Variants in ACTR3 observed in about 807,000 individuals in gnomAD.
ACTR3 encodes the protein actin-related protein 3.
In ACTR3, 12 loss-of-function variants were observed where a neutral mutation model predicts 56.8. That is an observed-to-expected ratio of 0.21 (90% CI 0.14 to 0.34). The LOEUF is 0.34. ACTR3 is among the 10% of genes least tolerant of loss of function. The pLI is 1.00. For missense variants in ACTR3, 282 were observed against 512.5 expected (o/e 0.55, Z 4.34); for synonymous variants, 162 against 167.4 (o/e 0.97, Z 0.25).
chr2:113,931,471 T>A (rs1402849231), intron 5 of ACTR3, 75 bp downstream of exon 5: 1 of 382,374 alleles, frequency 2.6e-6, no homozygotes, highest in Admixed American at 5.6e-5. Context: ...AAATACGTAC[T>A]TTTTTTTTTT....
chr2:113,919,360 C>G (rs1679465113), intron 3 of ACTR3, among the ~76,000 whole-genome samples: 1 of 151,846 alleles, frequency 6.6e-6, no homozygotes, highest in Non-Finnish European at 1.5e-5. Context: ...GTTATTTTCC[C>G]TGTGTGTTAT....
chr2:113,926,335 G>A (rs1679619298), intron 3 of ACTR3, among the ~76,000 whole-genome samples: 1 of 152,130 alleles, frequency 6.6e-6, no homozygotes, highest in South Asian at 2.1e-4. Context: ...GTGTCCAACT[G>A]ATGTTGAGTA....
chr2:113,899,967 T>G (rs2104582263), intron 1 of ACTR3, among the ~76,000 whole-genome samples: 1 of 152,272 alleles, frequency 6.6e-6, no homozygotes, highest in East Asian at 1.9e-4. Flanking sequence ...GGCAGAATGG[T>G]TTGCGATTTA....
At chr2:113,936,173 T>C (rs1249899325) in intron 6 of ACTR3, among the ~76,000 whole-genome samples, 1 of 151,920 alleles carries the variant, frequency 6.6e-6, no homozygotes, top group Non-Finnish European at 1.5e-5. Flanking sequence ...ATGACTGTAG[T>C]CCCAGCTACT....
chr2:113,933,985 A>G (rs1040598421), intron 5 of ACTR3: 10 of 322,462 alleles, frequency 3.1e-5, no homozygotes, highest in African/African-American at 6.8e-5. Context: ...GTTTAATGCA[A>G]TCTTCCACAT....
intron 3 of ACTR3, 104 bp downstream of exon 3, chr2:113,917,112 A>C (rs1281337375): frequency 3.0e-5 from 28 of 942,902 alleles, no homozygotes; most frequent in Non-Finnish European, 3.7e-5. Flanking sequence ...AATATCCTCA[A>C]ACCTCTTCTC....
intron 6 of ACTR3, among the ~76,000 whole-genome samples, chr2:113,938,312 T>A (rs1679864331): frequency 6.6e-6 from 1 of 151,982 alleles, no homozygotes; most frequent in Non-Finnish European, 1.5e-5. Flanking sequence ...TTGTTTGGTT[T>A]TTCTCCTCGT....
intron 11 of ACTR3, among the ~76,000 whole-genome samples, 183 bp from the exon 12 acceptor site, chr2:113,957,177 A>T (rs915301205): frequency 6.6e-6 from 1 of 152,174 alleles, no homozygotes; most frequent in Admixed American, 6.5e-5. Flanking sequence ...TCCGATAAAG[A>T]TTTATAGCTG....
In ACTR3 at chr2:113,960,445, A is replaced by G. The variant is rs1574390850; in HGVS notation, c.*2990A>G. The G allele has an allele frequency of 6.6e-6, 1 of 152,178 alleles. No individual in the cohort carries two copies. Among genetic ancestry groups the G allele is most frequent in the African/African-American group, 2.4e-5 (1 of 41,568 alleles). The allele number at this position is 152,178 out of a possible 1,614,324, so 9.4% of individuals were successfully genotyped here. A position where few individuals can be genotyped will look rare whatever the true frequency, so the allele number is the denominator to read the frequency against. On this transcript the variant is annotated 3_prime_UTR_variant, in exon 12 of 12. Coordinates refer to ENST00000263238, the MANE Select transcript of ACTR3 (RefSeq NM_005721.5). ...TAGAAATAATATGAAATACAGGGAT[A>G]ATAGGCCAATTATGATCTTTATTTT...
At chr2:113,898,584 T>C (rs1304817321) in intron 1 of ACTR3, among the ~76,000 whole-genome samples, 1 of 152,226 alleles carries the variant, frequency 6.6e-6, no homozygotes, top group Non-Finnish European at 1.5e-5. Context: ...TGCAGAGGCA[T>C]ACTGTATGGC....
intron 1 of ACTR3, among the ~76,000 whole-genome samples, chr2:113,899,747 A>G (rs1168270620): frequency 1.3e-5 from 2 of 152,186 alleles, no homozygotes; most frequent in African/African-American, 4.8e-5. Context: ...TGCATTCTCT[A>G]TTCAAGTGAT....
intron 3 of ACTR3, among the ~76,000 whole-genome samples, chr2:113,923,463 G>C: frequency 6.6e-6 from 1 of 151,960 alleles, no homozygotes; most frequent in East Asian, 1.9e-4. Context: ...AGCCTCCCAA[G>C]TAGTTGGGAC....
At chr2:113,947,996 G>A (rs764695241) in intron 8 of ACTR3, among the ~76,000 whole-genome samples, 12 of 151,908 alleles carry the variant, frequency 7.9e-5, no homozygotes, top group East Asian at 1.9e-4. Context: ...CTTGGTCTGC[G>A]TATCCTAACA....
intron 6 of ACTR3, among the ~76,000 whole-genome samples, chr2:113,937,075 C>T (rs1029579086): frequency 6.6e-6 from 1 of 152,106 alleles, no homozygotes; most frequent in Non-Finnish European, 1.5e-5. Context: ...AGGAAAAACA[C>T]AATTTACCCA....
At chr2:113,914,248 T>C (rs182992270) in intron 2 of ACTR3, among the ~76,000 whole-genome samples, 15 of 152,300 alleles carry the variant, frequency 9.8e-5, no homozygotes, top group African/African-American at 2.4e-4. Context: ...TGAGCACTCA[T>C]TGGACACAAG....
intron 3 of ACTR3, among the ~76,000 whole-genome samples, chr2:113,926,283 T>C (rs1354133238): frequency 6.6e-6 from 1 of 152,210 alleles, no homozygotes; most frequent in Non-Finnish European, 1.5e-5. Flanking sequence ...AATAGTTTGA[T>C]TTATTGTTGA....
intron 2 of ACTR3, among the ~76,000 whole-genome samples, chr2:113,915,640 T>C (rs915306555): frequency 2.6e-5 from 4 of 152,344 alleles, no homozygotes; most frequent in Middle Eastern, 3.4e-3. Context: ...AAATTGGTTT[T>C]GGTTATATTC....
intron 3 of ACTR3, among the ~76,000 whole-genome samples, chr2:113,920,779 G>A (rs147724397): frequency 4.5e-4 from 69 of 152,222 alleles, no homozygotes; most frequent in African/African-American, 1.4e-3. Flanking sequence ...TTCACTTAAT[G>A]TCCTTTGGGC....
At chr2:113,957,337 A>G in intron 11 of ACTR3, 23 bp from the exon 12 acceptor site, 2 of 1,580,714 alleles carry the variant, frequency 1.3e-6, no homozygotes, top group Middle Eastern at 3.3e-4. Context: ...ACCCTTATAA[A>G]AATACATATT....
Sources: allele counts gnomAD v4.1 joint callset (sites outside exome capture counted in the v4.1 genomes callset), GRCh38; gene constraint gnomAD v4.1.1; transcripts MANE v1.5; gene names NCBI Gene and HGNC (gene_info 2026-07-23, HGNC 2026-07-21).